Variants in EOMES observed in about 807,000 individuals in gnomAD.
EOMES encodes eomesodermin homolog.
A neutral mutation model predicts 61.0 loss-of-function variants in EOMES; 18 were observed. That is an observed-to-expected ratio of 0.30 (90% CI 0.20 to 0.44). The LOEUF (loss-of-function observed/expected upper bound fraction) is 0.44. EOMES is among the 20% of genes least tolerant of loss of function. EOMES has a pLI of 1.00. For synonymous variants in EOMES, 430 were observed against 394.0 expected (o/e 1.09, Z -1.08); for missense variants, 885 against 939.2 (o/e 0.94, Z 0.75).
upstream of EOMES, chr3:27,722,556 T>A: frequency 7.8e-7 from 1 of 1,281,998 alleles, no homozygotes; most frequent in Non-Finnish European, 9.8e-7. Flanking sequence ...CTCCTTTTCC[T>A]TCCTCGTACC....
rs1417509371 is a variant in EOMES at position 27,721,064 on chromosome 3, G to A, written c.881+350C>T. Among the ~76,000 whole-genome samples, 1 of 152,192 alleles carries A rather than the reference G, an allele frequency of 6.6e-6. No individual in the cohort carries two copies. Among genetic ancestry groups the A allele is most frequent in the East Asian group, 1.9e-4 (1 of 5,178 alleles). On this transcript the variant is annotated intron_variant, in intron 1 of 5. Transcript: ENST00000449599. This position sits in a 1 kb window ranked among gnomAD's most constrained non-coding sequence, Gnocchi z 7.4. ...CTTCCCTATCCGTGGCTCCTTGCCG[G>A]CATGCAGGCATGCACAAGCATACCG...
rs1352191524 is a variant in EOMES at position 27,717,251 on chromosome 3, G to T, written c.1937C>A (p.Ser646Tyr). 6.2e-7 allele frequency: 1 copy of T among 1,613,900 alleles called. No individual in the cohort carries two copies. The highest frequency in any genetic ancestry group is 1.7e-5 in the Admixed American group (1 of 60,030). Residue 646 changes from serine to tyrosine, a missense_variant, in exon 6 of 6, where the codon TCT becomes TAT. Coordinates refer to ENST00000449599, the MANE Select transcript of EOMES (RefSeq NM_001278182.2). The surrounding 1 kb of genome is among the most constrained non-coding windows in gnomAD (Gnocchi z 4.5). ...TACTCCTGAATCATTGGAATCTAGA[G>T]ATTTGATGGAAGGGGGTGTCTCTAT... The part of the protein sequence containing the change: ...SWIETPPSIK[S>Y]LDSNDSGVYT...
In EOMES at chr3:27,722,250, A is replaced by G; in HGVS notation, c.45T>C (p.Pro15=). ...TCTCCAGCGGGTAGAAGTGCGCGCC[A>G]GGCAGGTTCACTGAGCTCACCAAGA... The part of the protein sequence containing the change: ...EQLLVSSVNL[P]GAHFYPLESA... The change falls in exon 1 of 6, where the codon CCT becomes CCC. Residue 15 remains proline, a synonymous_variant. Coordinates refer to ENST00000449599, the MANE Select transcript of EOMES (RefSeq NM_001278182.2). 6.2e-7 allele frequency: 1 copy of G among 1,603,866 alleles called. No homozygotes were observed. The highest frequency in any genetic ancestry group is 8.5e-7 in the Non-Finnish European group (1 of 1,176,166).
rs2060577507 is a variant in EOMES, at chr3:27,717,458, G to A, written c.1730C>T (p.Ser577Phe). The A allele has an allele frequency of 6.2e-7, 1 of 1,614,188 alleles. No individual in the cohort carries two copies. Among genetic ancestry groups the A allele is most frequent in the Non-Finnish European group, 8.5e-7 (1 of 1,180,032 alleles). The change falls in exon 6 of 6, where the codon TCC becomes TTC. Residue 577 changes from serine to phenylalanine, a missense_variant. Around this residue, in one of 3 missense-constraint regions of EOMES, gnomAD observed 259 missense variants for 282.3 expected, o/e 0.92. Transcript: ENST00000449599. This position sits in a 1 kb window ranked among gnomAD's most constrained non-coding sequence, Gnocchi z 4.5. The stretch of plus-strand genomic sequence containing the variant: ...GTCTGGGTAATACCCCAGGGCATGG[G>A]ATGTCTGAAGGGGCAAGGATTTAAT... ...YGIKSLPLQT[S>F]HALGYYPDPT... is the part of the protein sequence containing the mutation.
At position 27,718,659 on chromosome 3, in the gene EOMES, G is replaced by A. The variant is rs1412480853; in HGVS notation, c.1318-11C>T. The A allele has an allele frequency of 1.2e-6, 2 of 1,612,976 alleles. No individual in the cohort carries two copies. The highest frequency in any genetic ancestry group is 2.2e-5 in the South Asian group (2 of 91,070). The stretch of plus-strand genomic sequence containing the variant: ...CTTTAGTTGAGTAATCTAGATAGGG[G>A]AGAAAAACAGTCATTGAGTGATTTA... On this transcript the variant is annotated splice_polypyrimidine_tract_variant and intron_variant, in intron 4 of 5. Transcript: ENST00000449599.
rs1288914490 is a variant in EOMES at position 27,721,605 on chromosome 3, G to A, written c.690C>T (p.Thr230=). 2 of 1,551,022 alleles carry A rather than the reference G, an allele frequency of 1.3e-6. No homozygotes were observed. Among genetic ancestry groups the A allele is most frequent in the African/African-American group, 1.4e-5 (1 of 73,642 alleles). ...GCGGAGCCCCCTGGCTGTACTGATA[G>A]GTGCCCGGGCCGCCGCCCCCGCCGC... ...GSSGGGGGPG[T]YQYSQGAPLY... is the part of the protein sequence containing the mutation. Residue 230 remains threonine, a synonymous_variant, in exon 1 of 6, where the codon ACC becomes ACT. Coordinates refer to ENST00000449599, the MANE Select transcript of EOMES (RefSeq NM_001278182.2). The surrounding 1 kb of genome is among the most constrained non-coding windows in gnomAD (Gnocchi z 7.4).
In EOMES at chr3:27,722,230, A is replaced by G. The variant is rs572984907; in HGVS notation, c.65T>C (p.Leu22Pro). Residue 22 changes from leucine to proline, a missense_variant, in exon 1 of 6, where the codon CTG becomes CCG. This residue lies in a region of EOMES where 449 missense variants were observed against 383.6 expected (regional missense o/e 1.17). Coordinates refer to ENST00000449599, the MANE Select transcript of EOMES (RefSeq NM_001278182.2). The part of the protein sequence containing the change: ...VNLPGAHFYP[L>P]ESARGGSGGS... ...GCCGCTGCCGCCTCGCGCACTCTCC[A>G]GCGGGTAGAAGTGCGCGCCAGGCAG... 3.7e-6 allele frequency: 6 copies of G among 1,604,892 alleles called. No homozygotes were observed. The South Asian group carries it at 5.6e-5, about 15-fold the overall frequency.
chr3:27,721,999 C>G lies in EOMES; in HGVS notation c.296G>C (p.Gly99Ala), dbSNP rs1576806480. Residue 99 changes from glycine to alanine, a missense_variant, in exon 1 of 6, where the codon GGG (glycine) becomes GCG (alanine). Transcript: ENST00000449599. The surrounding 1 kb of genome is among the most constrained non-coding windows in gnomAD (Gnocchi z 7.4). Reference protein sequence around the residue: ...FASAAAVAKPGPPDGRKGSPC... With the variant: ...FASAAAVAKPAPPDGRKGSPC... The stretch of plus-strand genomic sequence containing the variant: ...GGAGCCCTTGCGGCCGTCCGGGGGC[C>G]CCGGCTTGGCCACTGCCGCAGCGCT... 6.8e-7 allele frequency: 1 copy of G among 1,478,254 alleles called. No individual in the cohort carries two copies. The highest frequency in any genetic ancestry group is 2.9e-5 in the East Asian group (1 of 33,992). The allele number at this position is 1,478,254 out of a possible 1,614,324, so 91.6% of individuals were successfully genotyped here.
rs758303943 is a variant in EOMES, at chr3:27,721,516, A to G, written c.779T>C (p.Val260Ala). 85 of 1,611,296 alleles carry G rather than the reference A, an allele frequency of 5.3e-5. No individual in the cohort carries two copies. The highest frequency in any genetic ancestry group is 7.1e-5 in the Non-Finnish European group (84 of 1,179,080). ...GSCGGLGGLG[V>A]PGSGFRAHVY... ...GTGGGCACGGAAGCCAGAACCTGGA[A>G]CCCCCAGGCCCCCCAGTCCTCCGCA... The change falls in exon 1 of 6, where the codon GTT becomes GCT. Residue 260 changes from valine (V) to alanine (A), a missense_variant. Around this residue, in one of 3 missense-constraint regions of EOMES, gnomAD observed 449 missense variants for 383.6 expected, o/e 1.17. Coordinates refer to ENST00000449599, the MANE Select transcript of EOMES (RefSeq NM_001278182.2). The surrounding 1 kb of genome is among the most constrained non-coding windows in gnomAD (Gnocchi z 7.4).
At chr3:27,722,358 A>G (rs946328864), upstream of EOMES, 2 of 1,405,526 alleles carry the variant, frequency 1.4e-6, no homozygotes, top group African/African-American at 3.0e-5. Context: ...TTATAAAGGC[A>G]GGATGGGGGA....
At chr3:27,720,084 G>C (rs1576804188) in intron 2 of EOMES, 87 bp downstream of exon 2, 2 of 1,301,668 alleles carry the variant, frequency 1.5e-6, no homozygotes, top group East Asian at 4.7e-5. Flanking sequence ...AAAAAAAAGT[G>C]CTACATTTAA....
In EOMES at chr3:27,717,959, A is replaced by G. The variant is rs1159869701; in HGVS notation, c.1380-151T>C. 6.6e-6 allele frequency among the ~76,000 whole-genome samples: 1 copy of G among 152,126 alleles called. No homozygotes were observed. The highest frequency in any genetic ancestry group is 2.4e-5 in the African/African-American group (1 of 41,430). ...CTGAAAGAACAGAGGCAGGAGATGC[A>G]CTGGCCCATTTTAGCTGGACTCTTG... is the stretch of plus-strand genomic sequence containing the variant. On this transcript the variant is annotated intron_variant, in intron 5 of 5. Coordinates refer to ENST00000449599, the MANE Select transcript of EOMES (RefSeq NM_001278182.2). The surrounding 1 kb of genome is among the most constrained non-coding windows in gnomAD (Gnocchi z 4.5).
At chr3:27,720,483 A>G (rs1448318640) in intron 1 of EOMES, among the ~76,000 whole-genome samples, 158 bp from the exon 2 acceptor site, 1 of 141,428 alleles carries the variant, frequency 7.1e-6, no homozygotes, top group Non-Finnish European at 1.5e-5. Context: ...GTCTGAAACT[A>G]TGTAAAATAT....
At position 27,722,196 on chromosome 3, in the gene EOMES, A is replaced by C. The variant is rs539715811; in HGVS notation, c.99T>G (p.Ala33=). 1 of 1,599,810 alleles carries C rather than the reference A, an allele frequency of 6.3e-7. No individual in the cohort carries two copies. The highest frequency in any genetic ancestry group is 1.1e-5 in the South Asian group (1 of 88,864). The change falls in exon 1 of 6, where the codon GCT becomes GCG. Residue 33 remains alanine, a synonymous_variant. Transcript: ENST00000449599. ...ESARGGSGGS[A]GHLPSAAPSP... ...AGGGGGCCGCGCTGGGGAGGTGGCC[A>C]GCGCTCCCGCCGCTGCCGCCTCGCG...
rs1029285444 is a variant in EOMES at position 27,717,914 on chromosome 3, G to A, written c.1380-106C>T. The A allele has an allele frequency of 7.1e-5, 56 of 792,812 alleles. No individual in the cohort carries two copies. The highest frequency in any genetic ancestry group is 1.8e-4 in the Admixed American group (6 of 33,636). The allele number at this position is 792,812 out of a possible 1,614,324, so 49.1% of individuals were successfully genotyped here. On this transcript the variant is annotated intron_variant, in intron 5 of 5. Coordinates refer to ENST00000449599, the MANE Select transcript of EOMES (RefSeq NM_001278182.2). This position sits in a 1 kb window ranked among gnomAD's most constrained non-coding sequence, Gnocchi z 4.5. Reference sequence around the variant, plus strand: ...AAGGCTTGTGTTGGTTATCTACACCGAAAGTGCTGGTCTGTTGGGCTGAAA... The same window carrying A: ...AAGGCTTGTGTTGGTTATCTACACCAAAAGTGCTGGTCTGTTGGGCTGAAA...
Position 27,722,314 on chromosome 3 carries a change from G to T in EOMES, c.-20C>A, listed in dbSNP as rs1436196660. 2 of 1,520,146 alleles carry T rather than the reference G, an allele frequency of 1.3e-6. No individual in the cohort carries two copies. The highest frequency in any genetic ancestry group is 1.8e-6 in the Non-Finnish European group (2 of 1,141,124). The allele number at this position is 1,520,146 out of a possible 1,614,324, so 94.2% of individuals were successfully genotyped here. A position where few individuals can be genotyped will look rare whatever the true frequency, so the allele number is the denominator to read the frequency against. ...CTGCATGCTTTGCAAAGCGCAGACG[G>T]CAGCTGGCTGCTTCCTCTCCTCCGG... On this transcript the variant is annotated 5_prime_UTR_variant, in exon 1 of 6. Transcript: ENST00000449599.
At position 27,721,336 on chromosome 3, in the gene EOMES, C is replaced by G. The variant is rs2060611039; in HGVS notation, c.881+78G>C. 1.6e-6 allele frequency: 2 copies of G among 1,260,492 alleles called. No individual in the cohort carries two copies. The highest frequency in any genetic ancestry group is 1.5e-5 in the African/African-American group (1 of 67,382). The allele number at this position is 1,260,492 out of a possible 1,614,324, so 78.1% of individuals were successfully genotyped here. A position where few individuals can be genotyped will look rare whatever the true frequency, so the allele number is the denominator to read the frequency against. On this transcript the variant is annotated intron_variant, in intron 1 of 5. Coordinates refer to ENST00000449599, the MANE Select transcript of EOMES (RefSeq NM_001278182.2). The surrounding 1 kb of genome is among the most constrained non-coding windows in gnomAD (Gnocchi z 7.4). ...CCGCGCGGAACAACTGGGTTCAGCTCCCTCATCCCGGACCTTCCCCAGGAC... is the reference window on the plus strand; with the variant it reads ...CCGCGCGGAACAACTGGGTTCAGCTGCCTCATCCCGGACCTTCCCCAGGAC...
chr3:27,718,826 C>T lies in EOMES; in HGVS notation c.1226G>A (p.Gly409Asp), dbSNP rs139943797. The T allele has an allele frequency of 4.3e-6, 7 of 1,613,834 alleles. No homozygotes were observed. In the African/African-American group the frequency reaches 8.0e-5, roughly 18 times the overall value. ...RLHIVEVTED[G>D]VEDLNEPSKT... ...TGAGGGCTCATTCAAGTCCTCCACG[C>T]CATCCTCTGTAACTTCAACAATATG... Residue 409 changes from glycine to aspartate, a missense_variant, in exon 4 of 6, where the codon GGC (glycine) becomes GAC (aspartate). Coordinates refer to ENST00000449599, the MANE Select transcript of EOMES (RefSeq NM_001278182.2).
At chr3:27,719,064 T>C (rs1355511177) in intron 3 of EOMES, among the ~76,000 whole-genome samples, 171 bp from the exon 4 acceptor site, 2 of 151,806 alleles carry the variant, frequency 1.3e-5, no homozygotes, top group Non-Finnish European at 2.9e-5. Flanking sequence ...CCCTTTTTTT[T>C]TGAAATTTAA....
Sources: gnomAD v4.1 joint callset for allele counts (sites outside exome capture counted in the v4.1 genomes callset) on GRCh38, gnomAD v4.1.1 for gene constraint, gnomAD v4.1.1 regional missense constraint, Gnocchi (gnomAD v3.1) non-coding constraint, MANE v1.5 for transcripts, NCBI Gene and HGNC (gene_info 2026-07-23, HGNC 2026-07-21) for gene names.